The following IRF4 variants were observed in gnomAD, a reference collection of about 807,000 sequenced individuals.
The protein encoded by IRF4 is interferon regulatory factor 4.
IRF4 carries 13 observed loss-of-function variants against 55.5 expected under a neutral mutation model. The ratio of observed to expected loss-of-function variants is 0.23; its 90% confidence interval spans 0.15 to 0.37. The LOEUF is 0.37. IRF4 is among the 10% of genes least tolerant of loss of function. The pLI, the probability that IRF4 is intolerant of heterozygous loss-of-function variation, is 1.00. For synonymous variants in IRF4, 249 were observed against 240.7 expected (o/e 1.03, Z -0.32); for missense variants, 397 against 593.8 (o/e 0.67, Z 3.44).
Position 401,521 on chromosome 6 carries a change from G to A in IRF4, c.843G>A (p.Thr281=), listed in dbSNP as rs777558588. The A allele has an allele frequency of 3.7e-5, 59 of 1,613,944 alleles. No individual in the cohort carries two copies. Among genetic ancestry groups the A allele is most frequent in the Admixed American group, 3.5e-4 (21 of 60,008 alleles). Residue 281 remains threonine (T), a synonymous_variant, in exon 7 of 9, where the codon ACG becomes ACA. Transcript: ENST00000380956. ...GCTGCCGGATCTCCCATGGACATAC[G>A]TATGACGCCAGCAACCTGGACCAGG... ...PEGCRISHGH[T]YDASNLDQVL...
Position 401,537 on chromosome 6 carries a change from C to T in IRF4, c.859C>T (p.Leu287=), listed in dbSNP as rs2127439902. 6.2e-7 allele frequency: 1 copy of T among 1,614,110 alleles called. No homozygotes were observed. Among genetic ancestry groups the T allele is most frequent in the Non-Finnish European group, 8.5e-7 (1 of 1,180,036 alleles). Residue 287 remains leucine, a synonymous_variant, in exon 7 of 9, where the codon CTG becomes TTG. Coordinates refer to ENST00000380956, the MANE Select transcript of IRF4 (RefSeq NM_002460.4). ...SHGHTYDASN[L]DQVLFPYPED... ...TGGACATACGTATGACGCCAGCAAC[C>T]TGGACCAGGTCCTGTTCCCCTACCC...
Position 401,496 on chromosome 6 carries a change from G to T in IRF4, c.818G>T (p.Gly273Val). 1 of 1,613,956 alleles carries T rather than the reference G, an allele frequency of 6.2e-7. No individual in the cohort carries two copies. The highest frequency in any genetic ancestry group is 8.5e-7 in the Non-Finnish European group (1 of 1,180,038). Residue 273 changes from glycine (G) to valine (V), a missense_variant, in exon 7 of 9, where the codon GGC becomes GTC. Coordinates refer to ENST00000380956, the MANE Select transcript of IRF4 (RefSeq NM_002460.4). ...GAGCTGACCACGTCCAGCCCCGAGGGCTGCCGGATCTCCCATGGACATACG... is the reference window on the plus strand; with the variant it reads ...GAGCTGACCACGTCCAGCCCCGAGGTCTGCCGGATCTCCCATGGACATACG... ...VKELTTSSPE[G>V]CRISHGHTYD...
intron 1 of IRF4, among the ~76,000 whole-genome samples, chr6:392,344 T>A (rs1461855132): frequency 6.6e-6 from 1 of 152,180 alleles, no homozygotes; most frequent in Non-Finnish European, 1.5e-5. Context: ...CTAGCCGGCC[T>A]GGCGCGGTCC....
Position 408,358 on chromosome 6 carries a change from G to A in IRF4, c.*760G>A, listed in dbSNP as rs2127443418. 1 of 231,762 alleles carries A rather than the reference G, an allele frequency of 4.3e-6. No individual in the cohort carries two copies. The highest frequency in any genetic ancestry group is 1.8e-4 in the South Asian group (1 of 5,520). 14.4% of individuals were successfully genotyped at this position (231,762 alleles called of 1,614,324 possible). Reference sequence around the variant, plus strand: ...GAGGCCCATCCCCCACCTGCCAGCGGTTTCCTGGTGTGGGTCCCTCTGCCC... The same window carrying A: ...GAGGCCCATCCCCCACCTGCCAGCGATTTCCTGGTGTGGGTCCCTCTGCCC... On this transcript the variant is annotated 3_prime_UTR_variant, in exon 9 of 9. Transcript: ENST00000380956.
chr6:399,708 C>T (rs1033757960), intron 6 of IRF4, among the ~76,000 whole-genome samples: 1 of 152,160 alleles, frequency 6.6e-6, no homozygotes, highest in Non-Finnish European at 1.5e-5. Context: ...CTTTAAAAAT[C>T]AGTGATGAAA....
chr6:397,265 C>T lies in IRF4; in HGVS notation c.637+13C>T, dbSNP rs756477074. 1.2e-6 allele frequency: 2 copies of T among 1,614,050 alleles called. No individual in the cohort carries two copies. The highest frequency in any genetic ancestry group is 3.3e-5 in the Admixed American group (2 of 60,024). ...GCTTGTGAAAATGGTAAGGAGGATA[C>T]CAGTGCAGGAAATAGAAGAGCTAAT... On this transcript the variant is annotated intron_variant, in intron 5 of 8. Coordinates refer to ENST00000380956, the MANE Select transcript of IRF4 (RefSeq NM_002460.4).
chr6:401,863 C>G, intron 7 of IRF4, 86 bp downstream of exon 7: 1 of 1,213,246 alleles, frequency 8.2e-7, no homozygotes, highest in Non-Finnish European at 1.2e-6. Flanking sequence ...CCTCCCACCC[C>G]AGGCTGAGGT....
chr6:396,174 G>A (rs180740042), intron 4 of IRF4: 1 of 516,162 alleles, frequency 1.9e-6, no homozygotes, highest in East Asian at 3.3e-5. Context: ...ATGCTTCTCA[G>A]GTCTTCTGGG....
In IRF4 at chr6:405,276, A is replaced by G. The variant is rs368754628; in HGVS notation, c.1212+146A>G. The G allele has an allele frequency of 1.3e-3, 809 of 614,034 alleles. 18 individuals carry two copies. The South Asian group carries it at 0.016, about 12-fold the overall frequency. 38.0% of individuals were successfully genotyped at this position (614,034 alleles called of 1,614,324 possible). A position where few individuals can be genotyped will look rare whatever the true frequency, so the allele number is the denominator to read the frequency against. ...CCCTTAAACTAGTGAGGGAGGAAGC[A>G]TGGTCCAACGAGCAGCACAGTCTGA... On this transcript the variant is annotated intron_variant, in intron 8 of 8. Transcript: ENST00000380956.
intron 6 of IRF4, among the ~76,000 whole-genome samples, chr6:400,696 G>A (rs1761372789): frequency 6.6e-6 from 1 of 151,718 alleles, no homozygotes; most frequent in Non-Finnish European, 1.5e-5. Flanking sequence ...AGGCCTCAGT[G>A]CTTACCCTTT....
intron 7 of IRF4, among the ~76,000 whole-genome samples, chr6:404,245 G>A (rs113567718): frequency 2.0e-5 from 3 of 152,338 alleles, no homozygotes; most frequent in Non-Finnish European, 2.9e-5. Context: ...ATGGGCTAAA[G>A]TCAGGGGATG....
rs1430348363 is a variant in IRF4 at position 401,786 on chromosome 6, C to T, written c.1099+9C>T. ...ACAGCAGTTCTTGTCAGGTAAGGCA[C>T]CTCGTTATCTGTTAGAATGGAGGTG... On this transcript the variant is annotated intron_variant, in intron 7 of 8. Transcript: ENST00000380956. 6.2e-7 allele frequency: 1 copy of T among 1,612,064 alleles called. No homozygotes were observed. The highest frequency in any genetic ancestry group is 8.5e-7 in the Non-Finnish European group (1 of 1,178,324).
At position 408,624 on chromosome 6, in the gene IRF4, TCTTAATA is replaced by T; in HGVS notation, c.*1030_*1036del. On this transcript the variant is annotated 3_prime_UTR_variant, in exon 9 of 9. Transcript: ENST00000380956. The stretch of plus-strand genomic sequence containing the variant: ...AGAAGAAGAAATTAAGGAACATAAA[TCTTAATA>T]CTTGAACTGTTGCCCTTCTGTCCAA... 1 of 229,524 alleles carries T rather than the reference TCTTAATA, an allele frequency of 4.4e-6. No homozygotes were observed. Among genetic ancestry groups the T allele is most frequent in the East Asian group, 6.2e-5 (1 of 16,248 alleles). 14.2% of individuals were successfully genotyped at this position (229,524 alleles called of 1,614,324 possible).
At position 410,662 on chromosome 6, in the gene IRF4, G is replaced by A. The variant is rs1581234960; in HGVS notation, c.*3064G>A. 1 of 231,616 alleles carries A rather than the reference G, an allele frequency of 4.3e-6. No homozygotes were observed. The allele number at this position is 231,616 out of a possible 1,614,324, so 14.3% of individuals were successfully genotyped here. Reference sequence around the variant, plus strand: ...GCTTTGTTGATGCTCCGCCAGGAAGGCCACTTGTGTGTGCGTGTCAGTTAC... The same window carrying A: ...GCTTTGTTGATGCTCCGCCAGGAAGACCACTTGTGTGTGCGTGTCAGTTAC... On this transcript the variant is annotated 3_prime_UTR_variant, in exon 9 of 9. Coordinates refer to ENST00000380956, the MANE Select transcript of IRF4 (RefSeq NM_002460.4).
chr6:393,128 C>G lies in IRF4; in HGVS notation c.-25C>G. ...AGCAGAGCGGGCGGAGGACCCCGGG[C>G]GCGGGCGCGGACGGCACGCGGGGCA... is the stretch of plus-strand genomic sequence containing the variant. On this transcript the variant is annotated 5_prime_UTR_variant, in exon 2 of 9. Transcript: ENST00000380956. This position sits in a 1 kb window ranked among gnomAD's most constrained non-coding sequence, Gnocchi z 5.4. 6.5e-7 allele frequency: 1 copy of G among 1,543,558 alleles called. No individual in the cohort carries two copies. Among genetic ancestry groups the G allele is most frequent in the Non-Finnish European group, 8.7e-7 (1 of 1,143,090 alleles).
intron 4 of IRF4, among the ~76,000 whole-genome samples, chr6:396,625 C>CCGT (rs1761267823): frequency 2.4e-5 from 2 of 83,844 alleles, no homozygotes; most frequent in African/African-American, 7.7e-5. Context: ...CTCAGCCTCT[C>CCGT]CTGCACTCCT....
intron 7 of IRF4, 34 bp downstream of exon 7, chr6:401,811 G>A (rs767881082): frequency 6.3e-7 from 1 of 1,589,598 alleles, no homozygotes; most frequent in East Asian, 2.2e-5. Context: ...GAATGGAGGT[G>A]GTGATGGCCT....
At chr6:406,845 C>A in intron 8 of IRF4, 2 of 1,150,166 alleles carry the variant, frequency 1.7e-6, no homozygotes, top group Non-Finnish European at 1.1e-6. Context: ...ATTCAGCTTG[C>A]CTTAGATGCT....
rs1482258857 is a variant in IRF4 at position 410,349 on chromosome 6, C to G, written c.*2751C>G. The G allele has an allele frequency of 4.4e-5, 10 of 227,972 alleles. No homozygotes were observed. The highest frequency in any genetic ancestry group is 6.1e-5 in the Non-Finnish European group (7 of 114,652). 14.1% of individuals were successfully genotyped at this position (227,972 alleles called of 1,614,324 possible). ...ACTATAGAGAACCAAGTGACCGACTCATTTACAACTGAAACCTAGGAAGCC... is the reference window on the plus strand; with the variant it reads ...ACTATAGAGAACCAAGTGACCGACTGATTTACAACTGAAACCTAGGAAGCC... On this transcript the variant is annotated 3_prime_UTR_variant, in exon 9 of 9. Transcript: ENST00000380956.
Sources: allele counts gnomAD v4.1 joint callset (sites outside exome capture counted in the v4.1 genomes callset), GRCh38; gene constraint gnomAD v4.1.1; non-coding constraint Gnocchi (gnomAD v3.1); transcripts MANE v1.5; gene names NCBI Gene and HGNC (gene_info 2026-07-23, HGNC 2026-07-21).